Variants in FAM163A observed in about 807,000 individuals in gnomAD.
FAM163A encodes protein FAM163A.
FAM163A carries 7 observed loss-of-function variants against 12.0 expected under a neutral mutation model. That is an observed-to-expected ratio of 0.58 (90% CI 0.33 to 1.10). The LOEUF (loss-of-function observed/expected upper bound fraction) is 1.10. Among genes scored for constraint, FAM163A ranks in the 50% least tolerant of loss-of-function variants. The pLI is 0.03. For missense variants in FAM163A, 202 were observed against 218.6 expected, an observed-to-expected ratio of 0.92 and a Z score of 0.48; for synonymous variants, 101 against 91.0, an observed-to-expected ratio of 1.11 and a Z score of -0.62.
intron 1 of FAM163A, among the ~76,000 whole-genome samples, chr1:179,792,043 G>C (rs926424338): frequency 4.6e-5 from 7 of 152,186 alleles, no homozygotes; most frequent in African/African-American, 1.7e-4. Context: ...ATGGAGACCA[G>C]GCTCCAAATC....
chr1:179,745,920 C>G (rs1057272841), intron 1 of FAM163A, among the ~76,000 whole-genome samples: 1 of 152,060 alleles, frequency 6.6e-6, no homozygotes. Flanking sequence ...CCAGAATTGT[C>G]GTGAATAAAG....
In FAM163A at chr1:179,815,003, A is replaced by G. The variant is rs543369337; in HGVS notation, c.*814A>G. 1 of 152,284 alleles carries G rather than the reference A, an allele frequency of 6.6e-6. No homozygotes were observed. Among genetic ancestry groups the G allele is most frequent in the South Asian group, 2.1e-4 (1 of 4,828 alleles). 9.4% of individuals were successfully genotyped at this position (152,284 alleles called of 1,614,324 possible). The stretch of plus-strand genomic sequence containing the variant: ...CTTCTGGTAGCTTAGCAAAGAGACC[A>G]GCTGACTGTCTCTCGGCCCAGCCCA... On this transcript the variant is annotated 3_prime_UTR_variant, in exon 5 of 5. Transcript: ENST00000341785.
chr1:179,731,960 A>T, the FAM163A span, among the ~76,000 whole-genome samples: 10 of 152,318 alleles, frequency 6.6e-5, no homozygotes, highest in Middle Eastern at 3.4e-3. Context: ...TATATACTCT[A>T]TCCCCATGTG....
At chr1:179,769,006 A>G (rs1162297100) in intron 1 of FAM163A, among the ~76,000 whole-genome samples, 2 of 152,242 alleles carry the variant, frequency 1.3e-5, no homozygotes, top group Non-Finnish European at 2.9e-5. Flanking sequence ...TTAGAGATGC[A>G]TACTGAAGTG....
At chr1:179,811,603 C>G (rs1414427791) in intron 2 of FAM163A, among the ~76,000 whole-genome samples, 1 of 152,164 alleles carries the variant, frequency 6.6e-6, no homozygotes, top group East Asian at 1.9e-4. Context: ...GGATTTGGAG[C>G]CACACTGCCG....
chr1:179,731,646 G>C, the FAM163A span, among the ~76,000 whole-genome samples: 4 of 152,298 alleles, frequency 2.6e-5, no homozygotes, highest in East Asian at 5.8e-4. Flanking sequence ...GACTGAGGCC[G>C]TCCCAGCAAG....
intron 1 of FAM163A, among the ~76,000 whole-genome samples, chr1:179,788,303 C>T (rs895484669): frequency 2.0e-5 from 3 of 152,136 alleles, no homozygotes; most frequent in African/African-American, 4.8e-5. Flanking sequence ...TTGGTAAATC[C>T]GAACGATATT....
chr1:179,802,365 G>A (rs1296629367), intron 1 of FAM163A, among the ~76,000 whole-genome samples: 1 of 152,210 alleles, frequency 6.6e-6, no homozygotes, highest in Non-Finnish European at 1.5e-5. Context: ...ACTGTGCTAA[G>A]CTTTCTCCTT....
chr1:179,766,517 C>A (rs2148077230), intron 1 of FAM163A, among the ~76,000 whole-genome samples: 1 of 152,340 alleles, frequency 6.6e-6, no homozygotes, highest in South Asian at 2.1e-4. Context: ...TAAAAATGAA[C>A]AATTTCCCCT....
intron 1 of FAM163A, among the ~76,000 whole-genome samples, chr1:179,753,907 C>T (rs1282077585): frequency 6.6e-6 from 1 of 152,100 alleles, no homozygotes; most frequent in South Asian, 2.1e-4. Flanking sequence ...AACCATGATA[C>T]CTACCCCACA....
chr1:179,783,945 A>G (rs1690227448), intron 1 of FAM163A, among the ~76,000 whole-genome samples: 1 of 151,842 alleles, frequency 6.6e-6, no homozygotes, highest in South Asian at 2.1e-4. Context: ...CATTTTCCCG[A>G]TTATACCTAG....
intron 2 of FAM163A, among the ~76,000 whole-genome samples, chr1:179,809,310 C>T (rs1694386703): frequency 6.6e-6 from 1 of 152,174 alleles, no homozygotes; most frequent in Admixed American, 6.5e-5. Context: ...CACCCATCCC[C>T]CTCTTTCCTC....
chr1:179,735,958 G>A, the FAM163A span, among the ~76,000 whole-genome samples: 1 of 152,176 alleles, frequency 6.6e-6, no homozygotes, highest in South Asian at 2.1e-4. Context: ...ATGGGGCTGG[G>A]AAAAGTGGAT....
At chr1:179,808,394 C>T (rs942718158) in intron 2 of FAM163A, among the ~76,000 whole-genome samples, 6 of 152,206 alleles carry the variant, frequency 3.9e-5, no homozygotes, top group South Asian at 4.1e-4. Context: ...CTGGTTGACC[C>T]GCTGCCTCAA....
chr1:179,756,885 G>T (rs1358959608), intron 1 of FAM163A, among the ~76,000 whole-genome samples: 3 of 152,208 alleles, frequency 2.0e-5, no homozygotes, highest in African/African-American at 7.2e-5. Context: ...AGAGTGTTTG[G>T]GAGGGGCAGT....
intron 1 of FAM163A, among the ~76,000 whole-genome samples, chr1:179,796,559 C>G (rs1209428717): frequency 6.6e-6 from 1 of 152,236 alleles, no homozygotes; most frequent in Non-Finnish European, 1.5e-5. Context: ...GTCTCCTCCT[C>G]CTGCAGGTTC....
chr1:179,795,987 CTG>C (rs1337460056), intron 1 of FAM163A, among the ~76,000 whole-genome samples: 1 of 69,270 alleles, frequency 1.4e-5, no homozygotes, highest in Non-Finnish European at 2.8e-5. Flanking sequence ...TATTTTACAA[CTG>C]TGTCTCCTTA....
chr1:179,798,046 A>G (rs1285149917), intron 1 of FAM163A, among the ~76,000 whole-genome samples: 1 of 152,134 alleles, frequency 6.6e-6, no homozygotes, highest in Non-Finnish European at 1.5e-5. Context: ...CCTGGCTAAC[A>G]TGGCGAAACT....
chr1:179,814,163 C>G lies in FAM163A; in HGVS notation c.478C>G (p.Pro160Ala). Residue 160 changes from proline to alanine, a missense_variant, in exon 5 of 5, where the codon CCA (proline) becomes GCA (alanine). Pro to Ala is a conservative substitution (Grantham distance 27). Coordinates refer to ENST00000341785, the MANE Select transcript of FAM163A (RefSeq NM_173509.3). ...PGSGREAFTN[P>A]RAISTDV ...CTCTGGGCGTGAGGCCTTCACCAATCCAAGGGCTATTAGTACAGACGTGTA... is the reference window on the plus strand; with the variant it reads ...CTCTGGGCGTGAGGCCTTCACCAATGCAAGGGCTATTAGTACAGACGTGTA... The G allele has an allele frequency of 6.2e-7, 1 of 1,614,042 alleles. No homozygotes were observed. Among genetic ancestry groups the G allele is most frequent in the South Asian group, 1.1e-5 (1 of 91,044 alleles).
Sources: allele counts gnomAD v4.1 joint callset (sites outside exome capture counted in the v4.1 genomes callset), GRCh38; gene constraint gnomAD v4.1.1; transcripts MANE v1.5; gene names NCBI Gene and HGNC (gene_info 2026-07-23, HGNC 2026-07-21).